CNKSR3: variants seen among roughly 807,000 people sequenced by gnomAD.
CNKSR3 encodes connector enhancer of kinase suppressor of ras 3.
In CNKSR3, 36 loss-of-function variants were observed where a neutral mutation model predicts 67.7. That is an observed-to-expected ratio of 0.53 (90% confidence interval 0.41 to 0.70). CNKSR3 has a LOEUF of 0.70. Ranked by LOEUF, CNKSR3 falls within the 30% of genes least tolerant of loss-of-function variation. The pLI, the probability that CNKSR3 is intolerant of heterozygous loss-of-function variation, is 0.00. For missense variants in CNKSR3, 630 were observed against 695.2 expected, an observed-to-expected ratio of 0.91 and a Z score of 1.05; for synonymous variants, 281 against 271.4, an observed-to-expected ratio of 1.04 and a Z score of -0.35.
At chr6:154,472,872 T>C (rs1247273793) in intron 1 of CNKSR3, among the ~76,000 whole-genome samples, 2 of 147,274 alleles carry the variant, frequency 1.4e-5, no homozygotes, top group Non-Finnish European at 3.0e-5. Context: ...CTTTCTAGAG[T>C]TCCCTGCTAA....
At chr6:154,430,402 A>T (rs1331517924) in intron 6 of CNKSR3, 70 bp downstream of exon 6, 1 of 1,440,354 alleles carries the variant, frequency 6.9e-7, no homozygotes, top group South Asian at 1.4e-5. Flanking sequence ...GCAATAAGGA[A>T]TTTTTTTAAA....
intron 1 of CNKSR3, among the ~76,000 whole-genome samples, chr6:154,450,963 T>C (rs1785813560): frequency 6.6e-6 from 1 of 152,240 alleles, no homozygotes; most frequent in Non-Finnish European, 1.5e-5. Context: ...TTAATAAAGA[T>C]ACTTCTAGCC....
At chr6:154,506,183 C>T (rs1447939635) in intron 1 of CNKSR3, among the ~76,000 whole-genome samples, 1 of 151,528 alleles carries the variant, frequency 6.6e-6, no homozygotes, top group African/African-American at 2.4e-5. Context: ...TCCCCTTTTT[C>T]CTTTCTGACC....
chr6:154,470,928 A>G (rs937888945), intron 1 of CNKSR3, among the ~76,000 whole-genome samples: 2 of 152,210 alleles, frequency 1.3e-5, no homozygotes, highest in African/African-American at 4.8e-5. Flanking sequence ...ATTTCTTCAC[A>G]TCTTCACCAA....
chr6:154,425,436 T>G lies in CNKSR3; in HGVS notation c.730-2453A>C, dbSNP rs145942728. ...AAGAGAGAGCTTGGTACCAAAATTC[T>G]GCCCAGGGCAGTAGCTCTTGCCTAT... On this transcript the variant is annotated intron_variant, in intron 7 of 12. Transcript: ENST00000607772. Among the ~76,000 whole-genome samples, 1,069 of 152,344 alleles carry G rather than the reference T, an allele frequency of 7.0e-3. 7 individuals carry two copies. Among genetic ancestry groups the G allele is most frequent in the Non-Finnish European group, 7.1e-3 (482 of 68,028 alleles).
chr6:154,389,781 G>A lies in CNKSR3; in HGVS notation c.*16573C>T, dbSNP rs1309505990. ...AGAACTATCTAAAAAGGAAATTAGC[G>A]AAACAATCCCATATATAATAGCACC... On this transcript the variant is annotated 3_prime_UTR_variant, in exon 13 of 13. Coordinates refer to ENST00000607772, the MANE Select transcript of CNKSR3 (RefSeq NM_173515.4). 3.9e-5 allele frequency: 6 copies of A among 152,124 alleles called. No individual in the cohort carries two copies. Among genetic ancestry groups the A allele is most frequent in the South Asian group, 2.1e-4 (1 of 4,824 alleles). 9.4% of individuals were successfully genotyped at this position (152,124 alleles called of 1,614,324 possible).
At chr6:154,456,507 G>A (rs1316255604) in intron 1 of CNKSR3, among the ~76,000 whole-genome samples, 7 of 150,058 alleles carry the variant, frequency 4.7e-5, no homozygotes, top group Non-Finnish European at 4.4e-5. Context: ...AGACGAGCCT[G>A]GCCAACATGG....
intron 1 of CNKSR3, among the ~76,000 whole-genome samples, chr6:154,479,723 A>G (rs1786528075): frequency 6.6e-6 from 1 of 152,186 alleles, no homozygotes; most frequent in Non-Finnish European, 1.5e-5. Flanking sequence ...ATATTTCAAG[A>G]TGGCTCTTTT....
intron 1 of CNKSR3, among the ~76,000 whole-genome samples, chr6:154,504,726 C>A (rs1787064549): frequency 6.7e-6 from 1 of 148,918 alleles, no homozygotes; most frequent in Admixed American, 6.6e-5. Context: ...ATCAAAGAGG[C>A]TGGACAGGTG....
intron 7 of CNKSR3, among the ~76,000 whole-genome samples, chr6:154,426,079 C>T (rs562104991): frequency 6.6e-5 from 10 of 152,112 alleles, no homozygotes; most frequent in African/African-American, 1.7e-4. Flanking sequence ...TCAATAAATG[C>T]GAATTGAATG....
chr6:154,441,974 T>TA (rs1785599674), intron 3 of CNKSR3, 114 bp downstream of exon 3: 1 of 1,012,936 alleles, frequency 9.9e-7, no homozygotes, highest in Non-Finnish European at 1.4e-6. Context: ...TAAGAGCCGG[T>TA]AAAAATGATA....
At position 154,481,413 on chromosome 6, in the gene CNKSR3, A is replaced by G. The variant is rs964316351; in HGVS notation, c.52+28650T>C. Among the ~76,000 whole-genome samples, 10 of 152,128 alleles carry G rather than the reference A, an allele frequency of 6.6e-5. 1 individual carries two copies. Among genetic ancestry groups the G allele is most frequent in the Admixed American group, 4.6e-4 (7 of 15,258 alleles). On this transcript the variant is annotated intron_variant, in intron 1 of 12. Transcript: ENST00000607772. Reference sequence around the variant, plus strand: ...GCTTATTTATTTGTGCTTGTTTGATATTTATCTATTTTATTTATAGCAGTC... The same window carrying G: ...GCTTATTTATTTGTGCTTGTTTGATGTTTATCTATTTTATTTATAGCAGTC...
rs1413325696 is a variant in CNKSR3, at chr6:154,400,665, A to G, written c.*5689T>C. ...TTTACATACACAAATGCACACATAT[A>G]TAGGGTTTGGGACAGACTCCACACC... On this transcript the variant is annotated 3_prime_UTR_variant, in exon 13 of 13. Transcript: ENST00000607772. 1 of 152,200 alleles carries G rather than the reference A, an allele frequency of 6.6e-6. No homozygotes were observed. The highest frequency in any genetic ancestry group is 2.4e-5 in the African/African-American group (1 of 41,454). 9.4% of individuals were successfully genotyped at this position (152,200 alleles called of 1,614,324 possible). A position where few individuals can be genotyped will look rare whatever the true frequency, so the allele number is the denominator to read the frequency against.
intron 6 of CNKSR3, among the ~76,000 whole-genome samples, chr6:154,428,471 A>C (rs1785299409): frequency 6.6e-6 from 1 of 152,210 alleles, no homozygotes; most frequent in Non-Finnish European, 1.5e-5. Context: ...GAGTGTTCTT[A>C]GACCTACAGG....
chr6:154,415,227 C>CCTTTTTTTTTTTTTTTTTTTTTTTTTTTT (rs773533317), intron 9 of CNKSR3, among the ~76,000 whole-genome samples: 1 of 112,766 alleles, frequency 8.9e-6, no homozygotes, highest in Non-Finnish European at 1.7e-5. Flanking sequence ...ACTAGCTGCC[C>CCTTTTTTTTTTTTTTTTTTTTTTTTTTTT]ATTTTTTTTT....
At chr6:154,468,907 G>A (rs1582885375) in intron 1 of CNKSR3, among the ~76,000 whole-genome samples, 1 of 152,286 alleles carries the variant, frequency 6.6e-6, no homozygotes, top group East Asian at 1.9e-4. Flanking sequence ...TGTAATCCCA[G>A]CACTTTGGGA....
intron 1 of CNKSR3, among the ~76,000 whole-genome samples, chr6:154,476,202 AT>A (rs1377916417): frequency 6.6e-6 from 1 of 152,104 alleles, no homozygotes; most frequent in Non-Finnish European, 1.5e-5. Context: ...CACACCTGTA[AT>A]TCCAGCACTT....
intron 1 of CNKSR3, among the ~76,000 whole-genome samples, 163 bp from the exon 2 acceptor site, chr6:154,450,421 C>T (rs1194276217): frequency 6.6e-6 from 1 of 152,158 alleles, no homozygotes; most frequent in African/African-American, 2.4e-5. Context: ...TTTTGCATGA[C>T]ATGTCAAACA....
At chr6:154,484,879 C>T (rs1353830330) in intron 1 of CNKSR3, among the ~76,000 whole-genome samples, 5 of 152,128 alleles carry the variant, frequency 3.3e-5, no homozygotes, top group African/African-American at 9.7e-5. Flanking sequence ...TGATGGCCCA[C>T]GCTGGGTCTT....
Sources: gnomAD v4.1 joint callset for allele counts (sites outside exome capture counted in the v4.1 genomes callset) on GRCh38, gnomAD v4.1.1 for gene constraint, MANE v1.5 for transcripts, NCBI Gene and HGNC (gene_info 2026-07-23, HGNC 2026-07-21) for gene names.